The following OPCML variants were observed in gnomAD, a reference collection of about 807,000 sequenced individuals.
OPCML encodes the protein opioid-binding protein/cell adhesion molecule.
A neutral mutation model predicts 37.8 loss-of-function variants in OPCML; 13 were observed. The observed-to-expected ratio is 0.34, with a 90% confidence interval of 0.22 to 0.55. OPCML has a LOEUF of 0.55. Ranked by LOEUF, OPCML falls within the 20% of genes least tolerant of loss-of-function variation. The pLI is 0.91. For synonymous variants in OPCML, 176 were observed against 168.8 expected, an observed-to-expected ratio of 1.04 and a Z score of -0.33; for missense variants, 341 against 435.6, an observed-to-expected ratio of 0.78 and a Z score of 1.93.
chr11:133,179,634 G>A (rs1338334901), intron 1 of OPCML, among the ~76,000 whole-genome samples: 1 of 152,182 alleles, frequency 6.6e-6, no homozygotes, highest in Non-Finnish European at 1.5e-5. Context: ...GAAGCTCAGA[G>A]TCCACAGAGA....
chr11:133,384,606 T>C (rs1292800737), intron 1 of OPCML, among the ~76,000 whole-genome samples: 1 of 152,212 alleles, frequency 6.6e-6, no homozygotes, highest in Non-Finnish European at 1.5e-5. Flanking sequence ...CAATCCTAGC[T>C]CTTGTCGCTT....
At chr11:132,535,361 A>G (rs138215377) in intron 3 of OPCML, among the ~76,000 whole-genome samples, 2 of 152,228 alleles carry the variant, frequency 1.3e-5, no homozygotes, top group African/African-American at 4.8e-5. Context: ...TTCTAGAAGG[A>G]ACAGGGTACA....
At chr11:132,971,866 G>A (rs1471462432) in intron 1 of OPCML, among the ~76,000 whole-genome samples, 2 of 151,952 alleles carry the variant, frequency 1.3e-5, no homozygotes, top group Non-Finnish European at 2.9e-5. Context: ...GACCCTACTG[G>A]CCCCAATCTA....
chr11:132,761,222 C>T lies in OPCML; in HGVS notation c.147-103903G>A, dbSNP rs998027029. Among the ~76,000 whole-genome samples, 13 of 147,928 alleles carry T rather than the reference C, an allele frequency of 8.8e-5. No homozygotes were observed. The South Asian group carries it at 1.5e-3, about 17-fold the overall frequency. On this transcript the variant is annotated intron_variant, in intron 2 of 7. Coordinates refer to ENST00000524381, the MANE Select transcript of OPCML (RefSeq NM_001012393.5). ...GTAACCTGGCCTTTCTCTCTGGCTG[C>T]GCTTAACTTTTTTTTTTTTTTTTTT...
intron 1 of OPCML, among the ~76,000 whole-genome samples, chr11:133,217,526 TCTC>T (rs1320234888): frequency 6.6e-6 from 1 of 152,104 alleles, no homozygotes; most frequent in Non-Finnish European, 1.5e-5. Context: ...GAGGAATGAA[TCTC>T]CTTTGGGTCA....
chr11:132,436,326 C>T lies in OPCML; in HGVS notation c.765-89G>A, dbSNP rs1272583487. On this transcript the variant is annotated intron_variant, in intron 6 of 7. Transcript: ENST00000524381. ...CTTTTCTCCAACTAATCTCGTCCTT[C>T]AAACTCAAACCCTAAGCACTTCAGT... The T allele has an allele frequency of 1.2e-5, 20 of 1,604,836 alleles. 1 individual carries two copies. In the Middle Eastern group the frequency reaches 5.0e-4, roughly 40 times the overall value.
intron 1 of OPCML, among the ~76,000 whole-genome samples, chr11:133,250,033 G>A (rs551749561): frequency 6.6e-6 from 1 of 152,304 alleles, no homozygotes; most frequent in East Asian, 1.9e-4. Flanking sequence ...GACAATGAAG[G>A]AACCAACCAT....
chr11:132,423,370 C>G (rs569702704), intron 7 of OPCML, among the ~76,000 whole-genome samples: 1 of 152,196 alleles, frequency 6.6e-6, no homozygotes, highest in Non-Finnish European at 1.5e-5. Context: ...GAATTTAATC[C>G]ACTACGATAC....
At chr11:132,948,056 C>T (rs946844903) in intron 1 of OPCML, among the ~76,000 whole-genome samples, 3 of 152,200 alleles carry the variant, frequency 2.0e-5, no homozygotes, top group African/African-American at 7.2e-5. Context: ...GACTTGTCAT[C>T]TCTCTAGCTG....
chr11:132,674,314 A>T (rs1000642225), intron 2 of OPCML, among the ~76,000 whole-genome samples: 21 of 152,198 alleles, frequency 1.4e-4, no homozygotes, highest in African/African-American at 4.8e-5. Flanking sequence ...AGGGAAAGGA[A>T]ATCCAAAGCC....
chr11:133,391,096 GAA>G (rs1175577747), intron 1 of OPCML, among the ~76,000 whole-genome samples: 2 of 152,234 alleles, frequency 1.3e-5, no homozygotes, highest in Non-Finnish European at 2.9e-5. Flanking sequence ...TTGCGAGAGA[GAA>G]AGGGAAAGAA....
chr11:132,817,483 A>T (rs894393590), intron 2 of OPCML, among the ~76,000 whole-genome samples: 2 of 152,194 alleles, frequency 1.3e-5, no homozygotes, highest in East Asian at 1.9e-4. Context: ...TGGAAAAAAA[A>T]TTTTTAAAGG....
At chr11:132,752,877 A>C (rs2136073902) in intron 2 of OPCML, among the ~76,000 whole-genome samples, 1 of 152,232 alleles carries the variant, frequency 6.6e-6, no homozygotes, top group South Asian at 2.1e-4. Flanking sequence ...TGTTGAGTCC[A>C]CCTTCTAAAC....
Position 132,892,257 on chromosome 11 carries a change from A to G in OPCML, c.146+50669T>C, listed in dbSNP as rs192512633. 1.1e-3 allele frequency among the ~76,000 whole-genome samples: 165 copies of G among 152,310 alleles called. 1 individual carries two copies. Among genetic ancestry groups the G allele is most frequent in the African/African-American group, 3.9e-3 (161 of 41,562 alleles). ...CAGACTTCTCCCCTAGAAAATTAGA[A>G]TAGATCCTAAAGGCATATCCAGGAG... On this transcript the variant is annotated intron_variant, in intron 2 of 7. Transcript: ENST00000524381.
At chr11:132,517,301 T>G (rs1345046302) in intron 4 of OPCML, among the ~76,000 whole-genome samples, 3 of 152,158 alleles carry the variant, frequency 2.0e-5, no homozygotes, top group Non-Finnish European at 4.4e-5. Flanking sequence ...TATAAATGGC[T>G]TTGAAAAGGG....
At chr11:133,450,829 GC>G (rs1946566572) in intron 1 of OPCML, among the ~76,000 whole-genome samples, 1 of 151,584 alleles carries the variant, frequency 6.6e-6, no homozygotes, top group Non-Finnish European at 1.5e-5. Flanking sequence ...ACAGACAGTG[GC>G]AAAAAACATT....
chr11:133,088,284 G>C (rs1948848276), intron 1 of OPCML, among the ~76,000 whole-genome samples: 2 of 152,184 alleles, frequency 1.3e-5, no homozygotes. Context: ...AGCACGGATT[G>C]CGAAGTCACG....
At position 132,437,275 on chromosome 11, in the gene OPCML, G is replaced by A. The variant is rs2096016377; in HGVS notation, c.590C>T (p.Ala197Val). 2 of 1,614,176 alleles carry A rather than the reference G, an allele frequency of 1.2e-6. No individual in the cohort carries two copies. The highest frequency in any genetic ancestry group is 1.7e-6 in the Non-Finnish European group (2 of 1,180,038). ...RDQSGEYECS[A>V]LNDVAAPDVR... ...ATCGGGCGCAGCGACATCGTTCAAC[G>A]CGCTGCATTCGTACTCCCCGGACTG... Residue 197 changes from alanine (A) to valine (V), a missense_variant, in exon 5 of 8, where the codon GCG becomes GTG. Physicochemically the swap from Ala to Val is moderately conservative, Grantham distance 64. Transcript: ENST00000524381.
At chr11:132,465,846 T>A (rs2096117977) in intron 4 of OPCML, among the ~76,000 whole-genome samples, 1 of 152,222 alleles carries the variant, frequency 6.6e-6, no homozygotes, top group African/African-American at 2.4e-5. Flanking sequence ...TTTGAAGTCT[T>A]CCAGATGCGT....
Sources: gnomAD v4.1 joint callset for allele counts (sites outside exome capture counted in the v4.1 genomes callset) on GRCh38, gnomAD v4.1.1 for gene constraint, MANE v1.5 for transcripts, NCBI Gene and HGNC (gene_info 2026-07-23, HGNC 2026-07-21) for gene names.